FGF14: variants seen among roughly 807,000 people sequenced by gnomAD.
The protein encoded by FGF14 is fibroblast growth factor 14, also known as fibroblast growth factor homologous factor 4.
Under a neutral mutation model 25.5 loss-of-function variants are expected in FGF14, and 5 were observed. The observed-to-expected ratio is 0.20, with a 90% CI of 0.10 to 0.41. The LOEUF (loss-of-function observed/expected upper bound fraction) is 0.41, where lower values mean the gene tolerates loss of function less well. Ranked by LOEUF, FGF14 falls within the 10% of genes least tolerant of loss-of-function variation. FGF14 has a pLI of 1.00. For synonymous variants in FGF14, 138 were observed against 118.3 expected (o/e 1.17, Z -1.08); for missense variants, 222 against 320.1 (o/e 0.69, Z 2.34).
chr13:102,068,426 C>T (rs1218333541), intron 1 of FGF14, among the ~76,000 whole-genome samples: 1 of 152,218 alleles, frequency 6.6e-6, no homozygotes, highest in Non-Finnish European at 1.5e-5. Context: ...CCTTTCTGGG[C>T]TGGCCAAGGC....
intron 1 of FGF14, among the ~76,000 whole-genome samples, chr13:102,030,782 T>C (rs964705959): frequency 1.3e-5 from 2 of 152,030 alleles, no homozygotes; most frequent in African/African-American, 4.8e-5. Context: ...CCTCCAGCTT[T>C]CTCCCTCAGA....
chr13:101,912,538 T>C (rs2139088748), intron 1 of FGF14, among the ~76,000 whole-genome samples: 1 of 152,332 alleles, frequency 6.6e-6, no homozygotes, highest in Admixed American at 6.5e-5. Context: ...TTGTTAAGAT[T>C]CCAAATAATA....
intron 1 of FGF14, among the ~76,000 whole-genome samples, chr13:102,386,734 G>T (rs2058313305): frequency 6.6e-6 from 1 of 152,176 alleles, no homozygotes; most frequent in South Asian, 2.1e-4. Context: ...ATTTCCATAT[G>T]ACACAGATTT....
intron 1 of FGF14, among the ~76,000 whole-genome samples, chr13:102,196,350 G>A (rs1375000831): frequency 6.6e-6 from 1 of 152,128 alleles, no homozygotes; most frequent in Admixed American, 6.5e-5. Flanking sequence ...GAAGTAGGCA[G>A]GGGTAGGAGA....
At chr13:101,845,576 G>A (rs1240262684) in intron 3 of FGF14, among the ~76,000 whole-genome samples, 1 of 152,008 alleles carries the variant, frequency 6.6e-6, no homozygotes, top group Non-Finnish European at 1.5e-5. Flanking sequence ...GGCATGCTGA[G>A]AGAGACAGAA....
chr13:102,277,275 A>G (rs958732401), intron 1 of FGF14, among the ~76,000 whole-genome samples: 7 of 152,232 alleles, frequency 4.6e-5, no homozygotes, highest in African/African-American at 1.7e-4. Context: ...AAATTTGCAC[A>G]TTCCTCATTA....
At chr13:101,852,254 G>A (rs1594484379) in intron 3 of FGF14, among the ~76,000 whole-genome samples, 1 of 151,826 alleles carries the variant, frequency 6.6e-6, no homozygotes, top group Non-Finnish European at 1.5e-5. Flanking sequence ...AAGAAAACGT[G>A]GGTCTATGTA....
At chr13:102,234,944 A>G (rs755192715) in intron 1 of FGF14, among the ~76,000 whole-genome samples, 76 of 152,336 alleles carry the variant, frequency 5.0e-4, no homozygotes, top group Non-Finnish European at 9.7e-4. Context: ...TGTTATTATC[A>G]GAGGAACATG....
chr13:102,334,307 C>T (rs2056725934), intron 1 of FGF14, among the ~76,000 whole-genome samples: 1 of 152,080 alleles, frequency 6.6e-6, no homozygotes, highest in Admixed American at 6.6e-5. Context: ...GGGTAGATTC[C>T]GTGAGTCAAG....
intron 1 of FGF14, among the ~76,000 whole-genome samples, chr13:102,177,217 T>C (rs912543765): frequency 3.3e-5 from 5 of 152,190 alleles, no homozygotes; most frequent in Non-Finnish European, 7.4e-5. Context: ...TTGGAAGATA[T>C]GAATTTTCTA....
intron 1 of FGF14, among the ~76,000 whole-genome samples, chr13:102,349,579 G>T (rs1241321269): frequency 6.6e-6 from 1 of 152,120 alleles, no homozygotes; most frequent in Non-Finnish European, 1.5e-5. Context: ...ATAAAAATCT[G>T]CAAACTTTAG....
intron 1 of FGF14, among the ~76,000 whole-genome samples, chr13:102,157,285 GCATGGTA>G (rs1352895105): frequency 6.6e-6 from 1 of 152,224 alleles, no homozygotes; most frequent in Non-Finnish European, 1.5e-5. Flanking sequence ...AACCAAAGCA[GCATGGTA>G]CTGGTACCAA....
intron 1 of FGF14, among the ~76,000 whole-genome samples, chr13:102,357,985 C>A (rs1295596459): frequency 6.6e-6 from 1 of 152,124 alleles, no homozygotes; most frequent in Non-Finnish European, 1.5e-5. Flanking sequence ...AGATTTTTCA[C>A]CAACAGCAAT....
chr13:101,903,643 G>A (rs1030819953), intron 1 of FGF14, among the ~76,000 whole-genome samples: 8 of 152,028 alleles, frequency 5.3e-5, no homozygotes, highest in Non-Finnish European at 7.4e-5. Context: ...AGGAGGGAGG[G>A]CTGTGTGCCA....
intron 1 of FGF14, among the ~76,000 whole-genome samples, chr13:102,035,173 C>T (rs547246228): frequency 3.9e-5 from 6 of 151,974 alleles, no homozygotes; most frequent in African/African-American, 1.4e-4. Flanking sequence ...AGTATAGGAG[C>T]CTGTTAACAA....
At chr13:102,322,399 G>A (rs2056278437) in intron 1 of FGF14, among the ~76,000 whole-genome samples, 1 of 151,594 alleles carries the variant, frequency 6.6e-6, no homozygotes, top group African/African-American at 2.4e-5. Flanking sequence ...CTGTCACAAT[G>A]CCAATGTATA....
intron 1 of FGF14, among the ~76,000 whole-genome samples, chr13:101,898,341 A>AACACACACACAC (rs55676818): frequency 0.016 from 2,256 of 144,442 alleles, 57 homozygotes; most frequent in African/African-American, 0.05. Flanking sequence ...TGAAACATAC[A>AACACACACACAC]ACACACACAC....
intron 1 of FGF14, among the ~76,000 whole-genome samples, chr13:102,033,988 G>T (rs1370318900): frequency 6.6e-6 from 1 of 152,060 alleles, no homozygotes; most frequent in Non-Finnish European, 1.5e-5. Flanking sequence ...GCCTAGAAAA[G>T]TGAGGACCGC....
chr13:102,177,133 G>T (rs1177317403), intron 1 of FGF14, among the ~76,000 whole-genome samples: 1 of 152,146 alleles, frequency 6.6e-6, no homozygotes, highest in African/African-American at 2.4e-5. Flanking sequence ...CACGTTCATT[G>T]ATGCTTACAG....
Sources: allele counts gnomAD v4.1 joint callset (sites outside exome capture counted in the v4.1 genomes callset), GRCh38; gene constraint gnomAD v4.1.1; transcripts MANE v1.5; gene names NCBI Gene and HGNC (gene_info 2026-07-23, HGNC 2026-07-21).